Variants in CTNNA2 observed in about 807,000 individuals in gnomAD.
CTNNA2 encodes catenin alpha 2, also known as catenin alpha-2.
In CTNNA2, 42 loss-of-function variants were observed where a neutral mutation model predicts 101.0. The ratio of observed to expected loss-of-function variants is 0.42; its 90% CI spans 0.32 to 0.54. CTNNA2 has a LOEUF of 0.54. CTNNA2 is among the 20% of genes least tolerant of loss of function. The probability of loss-of-function intolerance (pLI) is 0.14; values close to 1 mark genes in which losing one functional copy is unlikely to be tolerated. For synonymous variants in CTNNA2, 450 were observed against 456.4 expected (o/e 0.99, Z 0.18); for missense variants, 871 against 1,223.1 (o/e 0.71, Z 4.29).
intron 7 of CTNNA2, among the ~76,000 whole-genome samples, chr2:80,134,968 G>A (rs1019060580): frequency 6.6e-6 from 1 of 152,080 alleles, no homozygotes; most frequent in African/African-American, 2.4e-5. Context: ...TCTCAGTGCA[G>A]GTAATATTAT....
intron 2 of CTNNA2, among the ~76,000 whole-genome samples, chr2:79,210,367 A>G (rs1674156118): frequency 6.6e-6 from 1 of 152,200 alleles, no homozygotes; most frequent in Non-Finnish European, 1.5e-5. Flanking sequence ...AAATATATTC[A>G]TTACATTTAA....
rs146425642 is a variant in CTNNA2, at chr2:79,215,980, G to A, written c.-406+17904G>A. On this transcript the variant is annotated intron_variant, in intron 2 of 21. Transcript: ENST00000466387. ...TTGGGACTGAGGGGACATGTGGGAG[G>A]GAAAGAAGGAAGATTTGGGACGAGT... 7.6e-3 allele frequency among the ~76,000 whole-genome samples: 1,151 copies of A among 152,084 alleles called. 8 individuals are homozygous for A. Among genetic ancestry groups the A allele is most frequent in the Non-Finnish European group, 0.012 (826 of 67,998 alleles).
Position 79,226,417 on chromosome 2 carries a change from T to C in CTNNA2, c.-406+28341T>C, listed in dbSNP as rs1416078660. On this transcript the variant is annotated intron_variant, in intron 2 of 21. Transcript: ENST00000466387. The stretch of plus-strand genomic sequence containing the variant: ...TATGTAAAGTGCTTAGCACAGTCCC[T>C]GGCTCATAATTAGTGCTCAGTTAAT... Among the ~76,000 whole-genome samples, 8 of 152,140 alleles carry C rather than the reference T, an allele frequency of 5.3e-5. 1 individual carries two copies. In the South Asian group the frequency reaches 1.7e-3, roughly 32 times the overall value.
intron 7 of CTNNA2, among the ~76,000 whole-genome samples, chr2:79,945,464 A>G (rs1688432015): frequency 6.6e-6 from 1 of 152,174 alleles, no homozygotes; most frequent in South Asian, 2.1e-4. Flanking sequence ...AACTACTTTT[A>G]ACATTCGATG....
intron 7 of CTNNA2, among the ~76,000 whole-genome samples, chr2:80,060,951 A>G (rs1414069604): frequency 6.6e-6 from 1 of 152,122 alleles, no homozygotes; most frequent in East Asian, 1.9e-4. Context: ...AGGCTTGCAC[A>G]GCTCCAAAGG....
At chr2:79,773,318 G>T (rs1673725296) in intron 3 of CTNNA2, among the ~76,000 whole-genome samples, 1 of 152,188 alleles carries the variant, frequency 6.6e-6, no homozygotes, top group African/African-American at 2.4e-5. Context: ...GCACTCCCAT[G>T]ACACTGCCTC....
Position 79,338,575 on chromosome 2 carries a change from ATCATCTTCTTCTTCTTCT to A in CTNNA2, c.-318+25782_-318+25799del, listed in dbSNP as rs1434557003. ...ATTTTTCTTCTTCTTCTTCCTCCTC[ATCATCTTCTTCTTCTTCT>A]TCTTCTTCTTCTTCTTCTTCTTCTT... On this transcript the variant is annotated intron_variant, in intron 3 of 21. Coordinates refer to the CTNNA2 transcript ENST00000466387. Among the ~76,000 whole-genome samples the A allele has an allele frequency of 2.0e-3, 229 of 115,518 alleles. 5 individuals carry two copies. Among genetic ancestry groups the A allele is most frequent in the African/African-American group, 6.9e-3 (202 of 29,446 alleles). The allele number at this position is 115,518 out of a possible 152,430, so 75.8% of individuals were successfully genotyped here.
intron 2 of CTNNA2, among the ~76,000 whole-genome samples, chr2:79,668,887 A>G (rs17017474): frequency 0.34 from 51,138 of 152,106 alleles, 9,532 homozygotes; most frequent in East Asian, 0.75. Flanking sequence ...CCAATCAAAC[A>G]GAGGAACACA....
At chr2:79,494,212 A>C (rs1373925905) in intron 4 of CTNNA2, among the ~76,000 whole-genome samples, 1 of 152,178 alleles carries the variant, frequency 6.6e-6, no homozygotes, top group East Asian at 1.9e-4. Context: ...TGTTCATGGA[A>C]CAGATAACAT....
At chr2:79,488,318 C>CAAAAAAAAAAAAA (rs61641596) in intron 4 of CTNNA2, among the ~76,000 whole-genome samples, 1 of 99,874 alleles carries the variant, frequency 1.0e-5, no homozygotes. Context: ...AACTCCATCT[C>CAAAAAAAAAAAAA]AAAAAAAAAA....
intron 1 of CTNNA2, among the ~76,000 whole-genome samples, chr2:79,635,510 C>CT (rs535206083): frequency 3.0e-4 from 44 of 147,552 alleles, no homozygotes; most frequent in East Asian, 2.0e-3. Context: ...TCTTCTTCTT[C>CT]TTTTTTTTTT....
intron 9 of CTNNA2, among the ~76,000 whole-genome samples, chr2:80,462,329 T>C (rs2149473834): frequency 6.6e-6 from 1 of 152,304 alleles, no homozygotes; most frequent in Middle Eastern, 3.4e-3. Flanking sequence ...TTTATTTTTT[T>C]CCTGGAAACA....
At chr2:79,259,366 A>T (rs540437540) in intron 2 of CTNNA2, among the ~76,000 whole-genome samples, 123 of 152,312 alleles carry the variant, frequency 8.1e-4, no homozygotes, top group Non-Finnish European at 1.5e-3. Context: ...AAGCTTAAGA[A>T]TTACAGAAAC....
intron 7 of CTNNA2, among the ~76,000 whole-genome samples, chr2:80,332,095 A>T (rs1308522497): frequency 2.0e-5 from 3 of 152,160 alleles, no homozygotes; most frequent in African/African-American, 7.2e-5. Flanking sequence ...TAATTGCTCT[A>T]TAATGAAACA....
chr2:80,399,873 C>T (rs1573947954), intron 8 of CTNNA2, among the ~76,000 whole-genome samples: 1 of 152,158 alleles, frequency 6.6e-6, no homozygotes, highest in South Asian at 2.1e-4. Context: ...TATTTTCAAC[C>T]ATGGTGACTG....
At chr2:80,047,038 T>C (rs1413745848) in intron 7 of CTNNA2, among the ~76,000 whole-genome samples, 19 of 152,108 alleles carry the variant, frequency 1.2e-4, no homozygotes, top group Non-Finnish European at 1.5e-5. Flanking sequence ...TTGCGATACC[T>C]GAAAACATCT....
At chr2:79,463,646 C>A (rs1157380092) in intron 4 of CTNNA2, among the ~76,000 whole-genome samples, 1 of 152,154 alleles carries the variant, frequency 6.6e-6, no homozygotes, top group East Asian at 1.9e-4. Flanking sequence ...TGAAAACTAC[C>A]TGATACCTTG....
At chr2:80,396,055 T>A (rs1056448880) in intron 8 of CTNNA2, among the ~76,000 whole-genome samples, 3 of 152,164 alleles carry the variant, frequency 2.0e-5, no homozygotes, top group Non-Finnish European at 4.4e-5. Flanking sequence ...ATGATCATTA[T>A]CTTGGACTTT....
chr2:80,277,487 C>T (rs1014219244), intron 7 of CTNNA2, among the ~76,000 whole-genome samples: 14 of 132,222 alleles, frequency 1.1e-4, no homozygotes, highest in African/African-American at 3.7e-4. Flanking sequence ...AGAGAATGAA[C>T]ATTGTCAGTA....
Sources: gnomAD v4.1 joint callset for allele counts (sites outside exome capture counted in the v4.1 genomes callset) on GRCh38, gnomAD v4.1.1 for gene constraint, MANE v1.5 for transcripts, NCBI Gene and HGNC (gene_info 2026-07-23, HGNC 2026-07-21) for gene names.